RNMT: variants seen among roughly 807,000 people sequenced by gnomAD.
The protein encoded by RNMT is RNA guanine-7 methyltransferase.
Under a neutral mutation model 56.0 loss-of-function variants are expected in RNMT, and 27 were observed. That is an observed-to-expected ratio of 0.48 (90% CI 0.36 to 0.67). The LOEUF (loss-of-function observed/expected upper bound fraction) is 0.67, where lower values mean the gene tolerates loss of function less well. Ranked by LOEUF, RNMT falls within the 30% of genes least tolerant of loss-of-function variation. The pLI is 0.00. For missense variants in RNMT, 519 were observed against 552.1 expected (o/e 0.94, Z 0.60); for synonymous variants, 184 against 176.2 (o/e 1.04, Z -0.35).
chr18:13,734,543 A>G lies in RNMT; in HGVS notation c.497A>G (p.Gln166Arg), dbSNP rs530734654. The change falls in exon 4 of 12, where the codon CAA becomes CGA. Residue 166 changes from glutamine (Q) to arginine (R), a missense_variant. Coordinates refer to ENST00000383314, the MANE Select transcript of RNMT (RefSeq NM_003799.3). ...LQEVGLEKRS[Q>R]SRIFYLRNFN... ...GAAGTTGGTTTGGAGAAGCGTAGTC[A>G]AAGTCGTATTTTTTACCTAAGAAAC... is the stretch of plus-strand genomic sequence containing the variant. 3 of 1,613,712 alleles carry G rather than the reference A, an allele frequency of 1.9e-6. No individual in the cohort carries two copies. The highest frequency in any genetic ancestry group is 2.2e-5 in the South Asian group (2 of 91,038).
Position 13,731,865 on chromosome 18 carries a change from ATCT to A in RNMT, c.352_354del (p.Ser118del), listed in dbSNP as rs1437932538. 1.9e-6 allele frequency: 3 copies of A among 1,611,730 alleles called. No individual in the cohort carries two copies. The South Asian group carries it at 3.3e-5, about 18-fold the overall frequency. On this transcript the variant is annotated inframe_deletion, in exon 3 of 12. Transcript: ENST00000383314. ...AAACTGAGGATGTTCCAAAAGATAAATCTTCTACTGGAGATGGCACTCAAAATA... is the reference window on the plus strand; with the variant it reads ...AAACTGAGGATGTTCCAAAAGATAAATCTACTGGAGATGGCACTCAAAATA...
intron 11 of RNMT, among the ~76,000 whole-genome samples, chr18:13,754,375 G>T (rs1017341333): frequency 3.3e-5 from 5 of 152,102 alleles, no homozygotes; most frequent in Admixed American, 2.0e-4. Flanking sequence ...AGTCATGGTG[G>T]CATGTGCCTG....
At chr18:13,732,039 C>T in intron 3 of RNMT, 105 bp downstream of exon 3, 1 of 932,956 alleles carries the variant, frequency 1.1e-6, no homozygotes, top group Non-Finnish European at 1.6e-6. Context: ...TAAGAATGTT[C>T]TATTTTTAAT....
intron 9 of RNMT, among the ~76,000 whole-genome samples, chr18:13,751,668 G>A (rs573475847): frequency 4.6e-5 from 7 of 152,222 alleles, no homozygotes; most frequent in Admixed American, 1.3e-4. Context: ...ACATGCACAC[G>A]TATGTTTATT....
chr18:13,762,344 C>A lies in RNMT; in HGVS notation c.*2365C>A. Reference sequence around the variant, plus strand: ...GCTTGTGTTCAGGGAGAGGAGCTGGCAGTTTTTAACCACTTCTGTGGGAGC... The same window carrying A: ...GCTTGTGTTCAGGGAGAGGAGCTGGAAGTTTTTAACCACTTCTGTGGGAGC... On this transcript the variant is annotated 3_prime_UTR_variant, in exon 12 of 12. Coordinates refer to ENST00000383314, the MANE Select transcript of RNMT (RefSeq NM_003799.3). 1 of 652,160 alleles carries A rather than the reference C, an allele frequency of 1.5e-6. No homozygotes were observed. The highest frequency in any genetic ancestry group is 2.5e-6 in the Non-Finnish European group (1 of 393,880). The allele number at this position is 652,160 out of a possible 1,614,324, so 40.4% of individuals were successfully genotyped here.
rs1051413973 is a variant in RNMT at position 13,732,971 on chromosome 18, C to T, written c.417+1037C>T. 2.0e-5 allele frequency among the ~76,000 whole-genome samples: 3 copies of T among 151,984 alleles called. No individual in the cohort carries two copies. In the South Asian group the frequency reaches 6.2e-4, roughly 32 times the overall value. On this transcript the variant is annotated intron_variant, in intron 3 of 11. Transcript: ENST00000383314. Reference sequence around the variant, plus strand: ...ACAGATGGGATTTCACCATATTGGCCAGGCTGGTCTTGAATTCCTGACCTT... The same window carrying T: ...ACAGATGGGATTTCACCATATTGGCTAGGCTGGTCTTGAATTCCTGACCTT...
chr18:13,756,264 G>A (rs2044541139), intron 11 of RNMT, among the ~76,000 whole-genome samples: 1 of 152,122 alleles, frequency 6.6e-6, no homozygotes, highest in South Asian at 2.1e-4. Context: ...TGCATAGAAG[G>A]CATTTTATAC....
intron 11 of RNMT, among the ~76,000 whole-genome samples, chr18:13,758,945 A>T (rs1357019781): frequency 1.3e-5 from 2 of 151,904 alleles, no homozygotes; most frequent in African/African-American, 4.8e-5. Flanking sequence ...GGCCAAGGAG[A>T]GGGAGGGAGA....
chr18:13,732,716 A>T, intron 3 of RNMT, among the ~76,000 whole-genome samples: 1 of 146,104 alleles, frequency 6.8e-6, no homozygotes, highest in Admixed American at 6.9e-5. Context: ...TGGAATGTGA[A>T]TTCTTGTAAC....
intron 11 of RNMT, among the ~76,000 whole-genome samples, chr18:13,754,518 A>G (rs2044510755): frequency 6.6e-6 from 1 of 152,150 alleles, no homozygotes; most frequent in Non-Finnish European, 1.5e-5. Context: ...AAAATCTGAA[A>G]ACTTTGAGTT....
chr18:13,746,607 T>C (rs1816972506), intron 9 of RNMT, among the ~76,000 whole-genome samples: 3 of 152,248 alleles, frequency 2.0e-5, no homozygotes, highest in Admixed American at 2.0e-4. Context: ...CATTTTGTTC[T>C]GGATAATGCC....
chr18:13,735,675 A>G (rs559029070), intron 4 of RNMT, among the ~76,000 whole-genome samples: 48 of 151,718 alleles, frequency 3.2e-4, no homozygotes, highest in African/African-American at 1.1e-3. Flanking sequence ...GTATTTTTTT[A>G]TTGAATAACT....
intron 1 of RNMT, among the ~76,000 whole-genome samples, chr18:13,729,302 A>G (rs2044028723): frequency 6.6e-6 from 1 of 152,184 alleles, no homozygotes; most frequent in East Asian, 1.9e-4. Flanking sequence ...GTCATCTGGA[A>G]TGCTGTGTCA....
intron 8 of RNMT, 142 bp downstream of exon 8, chr18:13,742,794 T>TA (rs376557096): frequency 0.12 from 54,699 of 458,392 alleles, 29 homozygotes; most frequent in South Asian, 0.17. Flanking sequence ...TTTGTGTTTT[T>TA]AAAAAAAAAA....
chr18:13,741,770 T>A, intron 7 of RNMT, 79 bp downstream of exon 7: 1 of 858,486 alleles, frequency 1.2e-6, no homozygotes, highest in Non-Finnish European at 1.8e-6. Flanking sequence ...TAGATTTTAT[T>A]AAAATACGCT....
At chr18:13,752,291 G>GT (rs887815061) in intron 9 of RNMT, 35 bp from the exon 10 acceptor site, 4 of 1,311,406 alleles carry the variant, frequency 3.1e-6, no homozygotes, top group Non-Finnish European at 4.4e-6. Flanking sequence ...GTAAATTTCC[G>GT]TTATTGTAAC....
chr18:13,732,836 C>T (rs1005150230), intron 3 of RNMT, among the ~76,000 whole-genome samples: 1 of 148,348 alleles, frequency 6.7e-6, no homozygotes, highest in Non-Finnish European at 1.5e-5. Flanking sequence ...ACCTCCACCT[C>T]CCGGGACCTC....
chr18:13,732,086 TATG>T (rs2149082640), intron 3 of RNMT, 152 bp downstream of exon 3: 1 of 550,580 alleles, frequency 1.8e-6, no homozygotes, highest in Non-Finnish European at 3.0e-6. Flanking sequence ...TTTTAACTCT[TATG>T]ATTTCTGTTA....
rs373001963 is a variant in RNMT, at chr18:13,733,058, G to T, written c.417+1124G>T. Among the ~76,000 whole-genome samples the T allele has an allele frequency of 3.9e-5, 6 of 152,050 alleles. No individual in the cohort carries two copies. In the East Asian group the frequency reaches 9.7e-4, roughly 25 times the overall value. On this transcript the variant is annotated intron_variant, in intron 3 of 11. Transcript: ENST00000383314. Reference sequence around the variant, plus strand: ...TTACAGGCATGAGCCACTGCGCCTGGCTGGGAGCTTGTATTTTAAACATAG... The same window carrying T: ...TTACAGGCATGAGCCACTGCGCCTGTCTGGGAGCTTGTATTTTAAACATAG...
Sources: gnomAD v4.1 joint callset for allele counts (sites outside exome capture counted in the v4.1 genomes callset) on GRCh38, gnomAD v4.1.1 for gene constraint, MANE v1.5 for transcripts, NCBI Gene and HGNC (gene_info 2026-07-23, HGNC 2026-07-21) for gene names.